SPATA24: variants seen among roughly 807,000 people sequenced by gnomAD.
SPATA24 encodes the protein spermatogenesis associated 24, also known as spermatogenesis-associated protein 24.
Under a neutral mutation model 28.9 loss-of-function variants are expected in SPATA24, and 21 were observed. That is an observed-to-expected ratio of 0.73 (90% CI 0.52 to 1.05). SPATA24 has a LOEUF of 1.05. Ranked by LOEUF, SPATA24 falls within the 50% of genes least tolerant of loss-of-function variation. The pLI is 0.00. For synonymous variants in SPATA24, 76 were observed against 89.9 expected (o/e 0.85, Z 0.88); for missense variants, 215 against 242.9 (o/e 0.88, Z 0.76).
intron 4 of SPATA24, among the ~76,000 whole-genome samples, chr5:139,397,586 T>TG (rs1758739556): frequency 6.6e-6 from 1 of 151,968 alleles, no homozygotes; most frequent in Non-Finnish European, 1.5e-5. Context: ...GACTGAGTCT[T>TG]GCTCTGTCGC....
downstream of SPATA24, chr5:139,392,824 G>A: frequency 1.3e-6 from 2 of 1,522,202 alleles, no homozygotes; most frequent in Non-Finnish European, 1.8e-6. This position sits in a 1 kb window ranked among gnomAD's most constrained non-coding sequence, Gnocchi z 5.8. Flanking sequence ...AGGGCCGCGC[G>A]CTCGCACTCG....
At chr5:139,398,097 C>T (rs1758749691) in intron 4 of SPATA24, among the ~76,000 whole-genome samples, 1 of 152,188 alleles carries the variant, frequency 6.6e-6, no homozygotes, top group Non-Finnish European at 1.5e-5. Context: ...TTCAGTCATC[C>T]CAGTCCAAAC....
chr5:139,401,519 G>A (rs978538095), intron 4 of SPATA24: 1 of 652,146 alleles, frequency 1.5e-6, no homozygotes, highest in Non-Finnish European at 2.8e-6. Flanking sequence ...GGAAAAATGG[G>A]AGCAAGCCCA....
downstream of SPATA24, chr5:139,394,707 G>T (rs1401536904): frequency 1.3e-6 from 2 of 1,532,540 alleles, no homozygotes; most frequent in Non-Finnish European, 8.7e-7. Context: ...GATCGTCTGC[G>T]CCGGAGCAGC....
rs1266532824 is a variant in SPATA24 at position 139,397,201 on chromosome 5, G to A, written c.386-58C>T. 3.0e-6 allele frequency: 4 copies of A among 1,353,264 alleles called. No homozygotes were observed. In the South Asian group the frequency reaches 3.8e-5, roughly 13 times the overall value. 83.8% of individuals were successfully genotyped at this position (1,353,264 alleles called of 1,614,324 possible). A position where few individuals can be genotyped will look rare whatever the true frequency, so the allele number is the denominator to read the frequency against. On this transcript the variant is annotated intron_variant, in intron 4 of 5. Transcript: ENST00000450845. ...TTCCCATCCCAGGGCTCCTTCCTGA[G>A]ATAAGGCATTCCCTCACGGGGCTTT... is the stretch of plus-strand genomic sequence containing the variant.
chr5:139,401,811 T>C lies in SPATA24; in HGVS notation c.329A>G (p.Lys110Arg). 1.3e-6 allele frequency: 2 copies of C among 1,551,334 alleles called. No homozygotes were observed. Among genetic ancestry groups the C allele is most frequent in the African/African-American group, 1.4e-5 (1 of 73,156 alleles). ...GCTGGACTCCTGAAGGACTTTGCTC[T>C]TGACACTGGAGAGCCTGGGTGGGGA... ...LAFEKALSSV[K>R]SKVLQESSKK... Residue 110 changes from lysine to arginine, a missense_variant, in exon 4 of 6, where the codon AAG becomes AGG. By Grantham distance (26) the Lys-to-Arg change is conservative (BLOSUM62 2). Transcript: ENST00000450845.
At chr5:139,394,006 G>T, downstream of SPATA24, 5 of 1,550,606 alleles carry the variant, frequency 3.2e-6, no homozygotes, top group Non-Finnish European at 4.4e-6. Flanking sequence ...CGCCTCTCGC[G>T]GGAACCGAGT....
chr5:139,393,528 G>C, downstream of SPATA24: 1 of 1,551,370 alleles, frequency 6.4e-7, no homozygotes, highest in Non-Finnish European at 8.7e-7. Flanking sequence ...ATGTCTCTTG[G>C]GGAGATGGGC....
chr5:139,403,325 T>C (rs767493717), intron 1 of SPATA24, among the ~76,000 whole-genome samples: 2 of 152,202 alleles, frequency 1.3e-5, no homozygotes, highest in Non-Finnish European at 2.9e-5. Flanking sequence ...CAGTTTTATT[T>C]CTGAGATGGA....
In SPATA24 at chr5:139,402,032, G is replaced by C; in HGVS notation, c.197C>G (p.Ala66Gly). 1 of 1,551,140 alleles carries C rather than the reference G, an allele frequency of 6.4e-7. No homozygotes were observed. The highest frequency in any genetic ancestry group is 2.4e-5 in the East Asian group (1 of 40,900). Residue 66 changes from alanine to glycine, a missense_variant, in exon 3 of 6, where the codon GCC becomes GGC. Physicochemically the swap from Ala to Gly is moderately conservative, Grantham distance 60. Transcript: ENST00000450845. ...CAGGAGGACCTTGGTTTTGGCATGG[G>C]CAGCTTTCTCTTCCTGCAGGGGCAG... ...VEKKLVEEKA[A>G]HAKTKVLLAK...
downstream of SPATA24, chr5:139,394,750 A>G (rs1242753844): frequency 1.3e-6 from 2 of 1,533,678 alleles, no homozygotes; most frequent in Admixed American, 4.0e-5. Context: ...GATGACTTCC[A>G]TCTCCCCCGA....
downstream of SPATA24, chr5:139,396,745 CA>C: frequency 1.3e-6 from 2 of 1,551,220 alleles, no homozygotes; most frequent in Non-Finnish European, 1.7e-6. Flanking sequence ...ACTCCCAGAG[CA>C]GAGAAGGCAG....
At position 139,401,828 on chromosome 5, in the gene SPATA24, G is replaced by C. The variant is rs965647903; in HGVS notation, c.315-3C>G. 6.5e-7 allele frequency: 1 copy of C among 1,549,644 alleles called. No individual in the cohort carries two copies. Among genetic ancestry groups the C allele is most frequent in the Admixed American group, 2.0e-5 (1 of 50,920 alleles). On this transcript the variant is annotated splice_region_variant and splice_polypyrimidine_tract_variant and intron_variant, in intron 3 of 5. Coordinates refer to ENST00000450845, the MANE Select transcript of SPATA24 (RefSeq NM_194296.2). Reference sequence around the variant, plus strand: ...CTTTGCTCTTGACACTGGAGAGCCTGGGTGGGGAAGATAAGATGGGAGGGT... The same window carrying C: ...CTTTGCTCTTGACACTGGAGAGCCTCGGTGGGGAAGATAAGATGGGAGGGT...
chr5:139,393,299 C>T, downstream of SPATA24: 1 of 1,550,634 alleles, frequency 6.4e-7, no homozygotes, highest in Non-Finnish European at 8.7e-7. Flanking sequence ...AGGGTGCCCA[C>T]AGGGTGGCTG....
At chr5:139,392,646 A>G (rs1026960297), downstream of SPATA24, 50 of 1,388,088 alleles carry the variant, frequency 3.6e-5, no homozygotes, top group Middle Eastern at 9.6e-4. The surrounding 1 kb of genome is among the most constrained non-coding windows in gnomAD (Gnocchi z 5.8). Context: ...GTGCTATCCC[A>G]GGGCTCGGGC....
chr5:139,401,992 C>T lies in SPATA24; in HGVS notation c.237G>A (p.Glu79=). 2 of 1,551,752 alleles carry T rather than the reference C, an allele frequency of 1.3e-6. No individual in the cohort carries two copies. The highest frequency in any genetic ancestry group is 8.7e-7 in the Non-Finnish European group (1 of 1,147,008). The change falls in exon 3 of 6, where the codon GAG becomes GAA. Residue 79 remains glutamate, a synonymous_variant. Coordinates refer to ENST00000450845, the MANE Select transcript of SPATA24 (RefSeq NM_194296.2). ...CCTCTCCGAGGGCAAACTGTAACTT[C>T]TCCTCTTCCTTGGCCAGGAGGACCT... The part of the protein sequence containing the change: ...KTKVLLAKEE[E]KLQFALGEVE...
chr5:139,393,026 C>A, downstream of SPATA24: 3 of 1,527,358 alleles, frequency 2.0e-6, no homozygotes, highest in Non-Finnish European at 2.6e-6. Context: ...GGTAGAAAAT[C>A]CTTGATGAAA....
chr5:139,395,019 G>C, downstream of SPATA24: 1 of 1,455,276 alleles, frequency 6.9e-7, no homozygotes, highest in Non-Finnish European at 9.0e-7. Context: ...GGCGCCGCGC[G>C]GGGGCCGTGG....
chr5:139,393,794 A>G (rs865912580), downstream of SPATA24: 4 of 1,551,410 alleles, frequency 2.6e-6, no homozygotes, highest in Middle Eastern at 1.7e-4. Flanking sequence ...GCTTCAGGGA[A>G]CAATGGGCTA....
Sources: allele counts gnomAD v4.1 joint callset (sites outside exome capture counted in the v4.1 genomes callset), GRCh38; gene constraint gnomAD v4.1.1; non-coding constraint Gnocchi (gnomAD v3.1); transcripts MANE v1.5; gene names NCBI Gene and HGNC (gene_info 2026-07-23, HGNC 2026-07-21).